Variants in GRM8 observed in about 807,000 individuals in gnomAD.
The protein encoded by GRM8 is glutamate metabotropic receptor 8, also known as metabotropic glutamate receptor 8.
GRM8 carries 47 observed loss-of-function variants against 87.2 expected under a neutral mutation model. That is an observed-to-expected ratio of 0.54 (90% CI 0.43 to 0.69). The LOEUF is 0.69. Ranked by LOEUF, GRM8 falls within the 30% of genes least tolerant of loss-of-function variation. The pLI is 0.00. For missense variants in GRM8, 1,019 were observed against 1,139.2 expected (o/e 0.89, Z 1.52); for synonymous variants, 396 against 404.5 (o/e 0.98, Z 0.25).
chr7:127,111,499 A>G (rs1456610999), intron 2 of GRM8, among the ~76,000 whole-genome samples: 1 of 152,080 alleles, frequency 6.6e-6, no homozygotes, highest in African/African-American at 2.4e-5. Context: ...GGGAGAAGGC[A>G]TGCCTTTTTC....
chr7:126,471,506 T>G (rs1031034995), intron 9 of GRM8, among the ~76,000 whole-genome samples: 2 of 152,056 alleles, frequency 1.3e-5, no homozygotes, highest in African/African-American at 2.4e-5. Context: ...GTTGTAGATA[T>G]GCGGCGTTAT....
At chr7:126,801,736 C>T (rs1373584629) in intron 6 of GRM8, among the ~76,000 whole-genome samples, 1 of 152,032 alleles carries the variant, frequency 6.6e-6, no homozygotes, top group African/African-American at 2.4e-5. Flanking sequence ...AAGGGGTCCC[C>T]TCTCATAGTA....
At chr7:126,539,511 G>A (rs1435364767) in intron 8 of GRM8, among the ~76,000 whole-genome samples, 1 of 151,808 alleles carries the variant, frequency 6.6e-6, no homozygotes, top group Non-Finnish European at 1.5e-5. Flanking sequence ...GAATAAAGAT[G>A]GAGTATTCAC....
At chr7:126,863,626 A>T (rs1204518) in intron 6 of GRM8, among the ~76,000 whole-genome samples, 1 of 152,000 alleles carries the variant, frequency 6.6e-6, no homozygotes, top group East Asian at 1.9e-4. Flanking sequence ...GAGAAAATGG[A>T]TATTTGCGTT....
intron 7 of GRM8, among the ~76,000 whole-genome samples, chr7:126,756,308 A>G (rs1032646179): frequency 6.6e-6 from 1 of 152,132 alleles, no homozygotes; most frequent in Non-Finnish European, 1.5e-5. Flanking sequence ...AAAACTATTA[A>G]AACTATTAGA....
chr7:127,146,933 T>A (rs1436924916), intron 2 of GRM8, among the ~76,000 whole-genome samples: 2 of 151,666 alleles, frequency 1.3e-5, no homozygotes, highest in Non-Finnish European at 2.9e-5. Flanking sequence ...AAAAAGGGGG[T>A]TGCTTAGGGA....
intron 2 of GRM8, among the ~76,000 whole-genome samples, chr7:127,239,709 C>T (rs1202560563): frequency 6.6e-6 from 1 of 152,124 alleles, no homozygotes; most frequent in East Asian, 1.9e-4. Context: ...ATAGAGTAGA[C>T]AATTTTCTAT....
chr7:126,957,308 T>A (rs1032628678), intron 3 of GRM8, among the ~76,000 whole-genome samples: 1 of 152,218 alleles, frequency 6.6e-6, no homozygotes, highest in Non-Finnish European at 1.5e-5. Context: ...CTCTTCCTGA[T>A]GGCAGCAGCA....
intron 7 of GRM8, among the ~76,000 whole-genome samples, chr7:126,692,939 T>C (rs1175766689): frequency 6.6e-6 from 1 of 152,224 alleles, no homozygotes; most frequent in Middle Eastern, 3.2e-3. Context: ...CTTCACAGCT[T>C]AATGCTTTGT....
intron 3 of GRM8, among the ~76,000 whole-genome samples, chr7:126,973,549 A>C (rs978892711): frequency 1.4e-4 from 22 of 152,208 alleles, no homozygotes; most frequent in African/African-American, 5.1e-4. Context: ...TAAGTTTATT[A>C]TTGTTGTTAA....
intron 8 of GRM8, among the ~76,000 whole-genome samples, chr7:126,554,724 T>C (rs989126701): frequency 1.3e-5 from 2 of 152,178 alleles, no homozygotes; most frequent in Non-Finnish European, 1.5e-5. Flanking sequence ...AACAAAATTA[T>C]TTTTATAAAA....
At chr7:126,759,584 C>G (rs1490086443) in intron 7 of GRM8, among the ~76,000 whole-genome samples, 1 of 152,108 alleles carries the variant, frequency 6.6e-6, no homozygotes, top group African/African-American at 2.4e-5. Flanking sequence ...CTGAAAATAC[C>G]CTGTTGGTTG....
At chr7:127,158,987 C>T (rs189548283) in intron 2 of GRM8, among the ~76,000 whole-genome samples, 2 of 152,160 alleles carry the variant, frequency 1.3e-5, no homozygotes, top group African/African-American at 4.8e-5. Flanking sequence ...CTCTTGGTCC[C>T]CCAATATGCC....
chr7:127,124,889 A>G (rs536950563), intron 2 of GRM8, among the ~76,000 whole-genome samples: 3 of 152,206 alleles, frequency 2.0e-5, no homozygotes, highest in Non-Finnish European at 2.9e-5. Context: ...GTATAAATAC[A>G]AAACCATAAT....
At chr7:126,790,383 T>C (rs1821153655) in intron 6 of GRM8, among the ~76,000 whole-genome samples, 1 of 152,214 alleles carries the variant, frequency 6.6e-6, no homozygotes, top group African/African-American at 2.4e-5. Flanking sequence ...TAAGTTTGTA[T>C]TGCAATTTTC....
chr7:127,025,342 A>G (rs998002942), intron 3 of GRM8, among the ~76,000 whole-genome samples: 4 of 152,058 alleles, frequency 2.6e-5, no homozygotes, highest in African/African-American at 9.7e-5. Context: ...CTTGGGGACC[A>G]TCAATACCAG....
At chr7:126,446,476 G>T in intron 9 of GRM8, 104 bp from the exon 10 acceptor site, 1 of 745,112 alleles carries the variant, frequency 1.3e-6, no homozygotes. Context: ...CTCTGCTAAA[G>T]GCACATTAAA....
chr7:126,763,456 TATATATATATATATATACACAC>T (rs1817810595), intron 7 of GRM8, among the ~76,000 whole-genome samples: 1 of 57,860 alleles, frequency 1.7e-5, no homozygotes, highest in South Asian at 8.4e-4. Context: ...TATATATATA[TATATATATATATATATACACAC>T]ACACACACAC....
chr7:127,172,899 C>A (rs750545330), intron 2 of GRM8, among the ~76,000 whole-genome samples: 2 of 152,116 alleles, frequency 1.3e-5, no homozygotes, highest in African/African-American at 2.4e-5. Flanking sequence ...GATTCTTTGA[C>A]TTTCTTACTT....
Sources: allele counts gnomAD v4.1 joint callset (sites outside exome capture counted in the v4.1 genomes callset), GRCh38; gene constraint gnomAD v4.1.1; transcripts MANE v1.5; gene names NCBI Gene and HGNC (gene_info 2026-07-23, HGNC 2026-07-21).